The following TMEM132D variants were observed in gnomAD, a reference collection of about 807,000 sequenced individuals.
TMEM132D encodes transmembrane protein 132D.
TMEM132D carries 21 observed loss-of-function variants against 62.3 expected under a neutral mutation model. The ratio of observed to expected loss-of-function variants is 0.34; its 90% CI spans 0.24 to 0.49. The LOEUF (loss-of-function observed/expected upper bound fraction) is 0.49, where lower values mean the gene tolerates loss of function less well. TMEM132D is among the 20% of genes least tolerant of loss of function. The pLI is 0.99. For synonymous variants in TMEM132D, 621 were observed against 575.6 expected (o/e 1.08, Z -1.13); for missense variants, 1,346 against 1,402.8 (o/e 0.96, Z 0.65).
chr12:129,716,335 G>A (rs1265623456), intron 1 of TMEM132D, among the ~76,000 whole-genome samples: 2 of 152,152 alleles, frequency 1.3e-5, no homozygotes, highest in Non-Finnish European at 2.9e-5. Flanking sequence ...TCCTTGGAAA[G>A]GTCAATGAGG....
chr12:129,462,159 C>T (rs1593020405), intron 3 of TMEM132D, among the ~76,000 whole-genome samples: 1 of 152,050 alleles, frequency 6.6e-6, no homozygotes, highest in South Asian at 2.1e-4. Context: ...GAGAAATAAA[C>T]AAACTGAGGC....
intron 2 of TMEM132D, among the ~76,000 whole-genome samples, chr12:129,602,032 T>C (rs1878495372): frequency 6.6e-6 from 1 of 152,214 alleles, no homozygotes; most frequent in Admixed American, 6.5e-5. Flanking sequence ...ATCACTTGTT[T>C]TGAGTGGTAT....
At chr12:129,191,700 C>T (rs971775233) in intron 5 of TMEM132D, among the ~76,000 whole-genome samples, 3 of 151,504 alleles carry the variant, frequency 2.0e-5, no homozygotes, top group African/African-American at 7.3e-5. Context: ...TTTTTCTTCT[C>T]TAAAGAGGAA....
chr12:129,598,470 C>T lies in TMEM132D; in HGVS notation c.969-67265G>A, dbSNP rs1003955737. On this transcript the variant is annotated intron_variant, in intron 2 of 8. Transcript: ENST00000422113. The stretch of plus-strand genomic sequence containing the variant: ...CTGGAGCACGTTCCCAGCTCTACTG[C>T]AAAATTAGAAATAGATGATGTGTTT... Among the ~76,000 whole-genome samples, 4 of 152,246 alleles carry T rather than the reference C, an allele frequency of 2.6e-5. No homozygotes were observed. In the East Asian group the frequency reaches 5.8e-4, roughly 22 times the overall value.
chr12:129,639,242 G>A (rs756608720), intron 2 of TMEM132D, among the ~76,000 whole-genome samples: 3 of 151,846 alleles, frequency 2.0e-5, no homozygotes, highest in Non-Finnish European at 4.4e-5. Context: ...AAATAGCTGG[G>A]CATGGTGGTG....
intron 3 of TMEM132D, among the ~76,000 whole-genome samples, chr12:129,370,697 T>TA (rs1198553525): frequency 1.3e-5 from 2 of 152,132 alleles, no homozygotes; most frequent in Admixed American, 1.3e-4. Flanking sequence ...ATATTAGCCA[T>TA]AAAAAAAGAA....
chr12:129,172,189 C>T (rs1877754694), intron 5 of TMEM132D, among the ~76,000 whole-genome samples: 1 of 152,218 alleles, frequency 6.6e-6, no homozygotes, highest in Non-Finnish European at 1.5e-5. Flanking sequence ...ACCTCATGAA[C>T]CAATGTCTGC....
At chr12:129,298,932 G>T (rs1881640888) in intron 4 of TMEM132D, among the ~76,000 whole-genome samples, 2 of 152,198 alleles carry the variant, frequency 1.3e-5, no homozygotes, top group African/African-American at 4.8e-5. Flanking sequence ...AGACTTAAAA[G>T]ACACGGTCAC....
At chr12:129,747,220 C>G (rs1019497109) in intron 1 of TMEM132D, among the ~76,000 whole-genome samples, 2 of 6,904 alleles carry the variant, frequency 2.9e-4, no homozygotes, top group African/African-American at 6.2e-4. Flanking sequence ...CTCCTTCCAG[C>G]CACCCTGTCC....
At chr12:129,660,157 AAGAGAG>A (rs560634480) in intron 2 of TMEM132D, among the ~76,000 whole-genome samples, 1 of 150,478 alleles carries the variant, frequency 6.6e-6, no homozygotes, top group African/African-American at 2.4e-5. Context: ...TGTATTGTAA[AAGAGAG>A]AGAGAGAGAG....
At chr12:129,531,668 G>A (rs1593053915) in intron 2 of TMEM132D, among the ~76,000 whole-genome samples, 1 of 152,262 alleles carries the variant, frequency 6.6e-6, no homozygotes, top group South Asian at 2.1e-4. Context: ...GATCTTCCTA[G>A]CAAGGTTCCA....
chr12:129,639,563 G>A (rs533503461), intron 2 of TMEM132D, among the ~76,000 whole-genome samples: 140 of 151,956 alleles, frequency 9.2e-4, no homozygotes, highest in Middle Eastern at 6.8e-3. Context: ...CCCAGAACAC[G>A]GGGAGAACCT....
intron 3 of TMEM132D, among the ~76,000 whole-genome samples, chr12:129,500,411 C>A (rs765998029): frequency 6.6e-6 from 1 of 151,618 alleles, no homozygotes; most frequent in Admixed American, 6.6e-5. Flanking sequence ...TGGCTTGAGG[C>A]GCCTCTAGCC....
chr12:129,583,168 G>A (rs921090348), intron 2 of TMEM132D, among the ~76,000 whole-genome samples: 1 of 152,238 alleles, frequency 6.6e-6, no homozygotes, highest in African/African-American at 2.4e-5. Context: ...GGTTTTAGGA[G>A]ATTGTGTCCA....
At chr12:129,605,604 TACACAC>T (rs1555221323) in intron 2 of TMEM132D, among the ~76,000 whole-genome samples, 21 of 106,204 alleles carry the variant, frequency 2.0e-4, no homozygotes, top group South Asian at 6.2e-4. Context: ...TATATATATA[TACACAC>T]ACATATATAT....
chr12:129,624,309 A>AG (rs1224086874), intron 2 of TMEM132D, among the ~76,000 whole-genome samples: 1 of 152,232 alleles, frequency 6.6e-6, no homozygotes, highest in African/African-American at 2.4e-5. Context: ...AAAGGGTCAG[A>AG]GGGGCTGCGT....
chr12:129,565,016 C>T (rs1877330852), intron 2 of TMEM132D, among the ~76,000 whole-genome samples: 1 of 152,206 alleles, frequency 6.6e-6, no homozygotes. Flanking sequence ...TAATTACTCA[C>T]TCTGTGGTTA....
chr12:129,269,125 A>T (rs920335260), intron 4 of TMEM132D, among the ~76,000 whole-genome samples: 5 of 152,054 alleles, frequency 3.3e-5, no homozygotes, highest in East Asian at 1.9e-4. Context: ...CATATGTAAC[A>T]GACCTGCACG....
intron 3 of TMEM132D, among the ~76,000 whole-genome samples, chr12:129,525,637 C>G (rs1876007039): frequency 6.6e-6 from 1 of 152,118 alleles, no homozygotes; most frequent in Non-Finnish European, 1.5e-5. Flanking sequence ...GTATTTGATT[C>G]TCACAACAGT....
Sources: allele counts gnomAD v4.1 joint callset (sites outside exome capture counted in the v4.1 genomes callset), GRCh38; gene constraint gnomAD v4.1.1; transcripts MANE v1.5; gene names NCBI Gene and HGNC (gene_info 2026-07-23, HGNC 2026-07-21).